The following KIF1B variants were observed in gnomAD, a reference collection of about 807,000 sequenced individuals.
KIF1B encodes the protein kinesin family member 1B.
KIF1B carries 76 observed loss-of-function variants against 241.9 expected under a neutral mutation model. That is an observed-to-expected ratio of 0.31 (90% CI 0.26 to 0.38). The LOEUF (loss-of-function observed/expected upper bound fraction) is 0.38, where lower values mean the gene tolerates loss of function less well. Ranked by LOEUF, KIF1B falls within the 10% of genes least tolerant of loss-of-function variation. KIF1B has a pLI of 1.00. For missense variants in KIF1B, 1,622 were observed against 2,271.4 expected (o/e 0.71, Z 5.81); for synonymous variants, 750 against 796.7 (o/e 0.94, Z 0.99).
rs772091383 is a variant in KIF1B, at chr1:10,267,533, C to T, written c.583C>T (p.Leu195Phe). The change falls in exon 6 of 49, where the codon CTC (leucine) becomes TTC (phenylalanine). Residue 195 changes from leucine (L) to phenylalanine (F), a missense_variant. This residue lies in a region of KIF1B where 156 missense variants were observed against 244.8 expected (regional missense o/e 0.64). Transcript: ENST00000676179. Reference protein sequence around the residue: ...AVTSYTDIADLMDAGNKARTV... With the variant: ...AVTSYTDIADFMDAGNKARTV... ...TACTTCCTACACAGACATTGCTGAC[C>T]TCATGGATGCTGGGAACAAAGCCAG... is the stretch of plus-strand genomic sequence containing the variant. 1.9e-6 allele frequency: 3 copies of T among 1,614,006 alleles called. No individual in the cohort carries two copies. Among genetic ancestry groups the T allele is most frequent in the Non-Finnish European group, 2.5e-6 (3 of 1,179,998 alleles).
chr1:10,297,858 A>T (rs1368985766), intron 22 of KIF1B, among the ~76,000 whole-genome samples: 1 of 152,202 alleles, frequency 6.6e-6, no homozygotes, highest in African/African-American at 2.4e-5. Flanking sequence ...CAGCCCGGAC[A>T]GGACAGAAGG....
chr1:10,226,487 AT>A (rs1302604569), intron 1 of KIF1B, among the ~76,000 whole-genome samples: 1 of 152,252 alleles, frequency 6.6e-6, no homozygotes, highest in Admixed American at 6.5e-5. Context: ...TGTTTGTAAC[AT>A]TCAACACTTT....
At chr1:10,300,845 A>T (rs575409064) in intron 22 of KIF1B, among the ~76,000 whole-genome samples, 1 of 152,356 alleles carries the variant, frequency 6.6e-6, no homozygotes, top group South Asian at 2.1e-4. Flanking sequence ...AAATTAATGT[A>T]GAGTCTGTGT....
In KIF1B at chr1:10,337,198, A is replaced by C; in HGVS notation, c.3254A>C (p.Asp1085Ala). 1 of 1,614,144 alleles carries C rather than the reference A, an allele frequency of 6.2e-7. No homozygotes were observed. The highest frequency in any genetic ancestry group is 1.1e-5 in the South Asian group (1 of 91,076). The stretch of plus-strand genomic sequence containing the variant: ...CCAGAAGAAATCAGTCGAATTAATG[A>C]CTTGGGTATGTAGACATAGTTTACT... ...TPPEEISRIN[D>A]LDLKSSTLLD... Residue 1085 changes from aspartate to alanine, a missense_variant, in exon 30 of 49, where the codon GAC (aspartate) becomes GCC (alanine). Asp to Ala is a moderately radical substitution (Grantham distance 126). Around this residue, in one of 7 missense-constraint regions of KIF1B, gnomAD observed 803 missense variants for 1,112.0 expected, o/e 0.72. Coordinates refer to ENST00000676179, the MANE Select transcript of KIF1B (RefSeq NM_001365951.3). This position sits in a 1 kb window ranked among gnomAD's most constrained non-coding sequence, Gnocchi z 4.0.
chr1:10,324,777 C>A lies in KIF1B; in HGVS notation c.2557C>A (p.Arg853=), dbSNP rs774056851. 45 of 1,613,624 alleles carry A rather than the reference C, an allele frequency of 2.8e-5. No homozygotes were observed. Among genetic ancestry groups the A allele is most frequent in the Non-Finnish European group, 3.7e-5 (44 of 1,179,980 alleles). Residue 853 remains arginine (R), a synonymous_variant, in exon 26 of 49, where the codon CGA becomes AGA. Coordinates refer to ENST00000676179, the MANE Select transcript of KIF1B (RefSeq NM_001365951.3). ...AAATAGGCAGAGGCTGGATTTGATGCGAGAGATGTATGATAGGGCAGGGGA... is the reference window on the plus strand; with the variant it reads ...AAATAGGCAGAGGCTGGATTTGATGAGAGAGATGTATGATAGGGCAGGGGA... The part of the protein sequence containing the change: ...EKLKQRLDLM[R]EMYDRAGEMA...
chr1:10,253,018 C>T (rs2102174996), intron 2 of KIF1B, among the ~76,000 whole-genome samples: 1 of 152,300 alleles, frequency 6.6e-6, no homozygotes, highest in East Asian at 1.9e-4. Flanking sequence ...AGCCACTGTG[C>T]CTGGCCAATA....
At chr1:10,253,289 T>G (rs1647572303) in intron 2 of KIF1B, among the ~76,000 whole-genome samples, 1 of 152,150 alleles carries the variant, frequency 6.6e-6, no homozygotes, top group Non-Finnish European at 1.5e-5. Context: ...TGATGGTTTA[T>G]CTATCTGTAA....
At chr1:10,306,060 T>C in intron 22 of KIF1B, 2 of 1,046,596 alleles carry the variant, frequency 1.9e-6, no homozygotes, top group Non-Finnish European at 2.3e-6. Context: ...GTGGGCACTA[T>C]GCTTTATTAG....
intron 14 of KIF1B, 48 bp from the exon 15 acceptor site, chr1:10,282,274 T>C (rs1649443898): frequency 6.9e-7 from 1 of 1,459,118 alleles, no homozygotes; most frequent in Admixed American, 1.8e-5. Flanking sequence ...CCTCTGCTTC[T>C]TTCCCTTTTC....
In KIF1B at chr1:10,361,010, A is replaced by C; in HGVS notation, c.4137A>C (p.Glu1379Asp). ...TGAACCGAGTGACACCCTATGGAGA[A>C]AAGATCTACATGACCTTGTCGGCCT... is the stretch of plus-strand genomic sequence containing the variant. ...LLLNRVTPYG[E>D]KIYMTLSAYL... Residue 1379 changes from glutamate (E) to aspartate (D), a missense_variant, in exon 39 of 49, where the codon GAA (glutamate) becomes GAC (aspartate). By Grantham distance (45) the Glu-to-Asp change is conservative (BLOSUM62 2). Transcript: ENST00000676179. 6.2e-7 allele frequency: 1 copy of C among 1,613,742 alleles called. No homozygotes were observed.
intron 22 of KIF1B, among the ~76,000 whole-genome samples, chr1:10,316,021 A>G (rs1328334122): frequency 7.0e-6 from 1 of 142,122 alleles, no homozygotes; most frequent in Non-Finnish European, 1.5e-5. Context: ...GTGCCACTGC[A>G]CTCCAGCCTG....
Position 10,360,913 on chromosome 1 carries a change from G to A in KIF1B, c.4056-16G>A, listed in dbSNP as rs918747455. On this transcript the variant is annotated splice_polypyrimidine_tract_variant and intron_variant, in intron 38 of 48. Coordinates refer to ENST00000676179, the MANE Select transcript of KIF1B (RefSeq NM_001365951.3). Reference sequence around the variant, plus strand: ...AGCTTCTTTTGGATGATTCCCTCTTGTCTTTCTGACCTTAGGACCTTCTAC... The same window carrying A: ...AGCTTCTTTTGGATGATTCCCTCTTATCTTTCTGACCTTAGGACCTTCTAC... 1.3e-6 allele frequency: 2 copies of A among 1,559,218 alleles called. No homozygotes were observed. The highest frequency in any genetic ancestry group is 1.4e-5 in the African/African-American group (1 of 73,628).
At chr1:10,223,710 T>G (rs1164025256) in intron 1 of KIF1B, among the ~76,000 whole-genome samples, 1 of 151,870 alleles carries the variant, frequency 6.6e-6, no homozygotes, top group Non-Finnish European at 1.5e-5. Flanking sequence ...CCACACCAGC[T>G]AATTTTTGTA....
chr1:10,285,109 A>G (rs1649624045), intron 15 of KIF1B, among the ~76,000 whole-genome samples: 1 of 152,218 alleles, frequency 6.6e-6, no homozygotes, highest in Non-Finnish European at 1.5e-5. Context: ...GTCAGTGACC[A>G]TGTTGCTTTG....
In KIF1B at chr1:10,314,128, C is replaced by T. The variant is rs755059766; in HGVS notation, c.2116-5915C>T. On this transcript the variant is annotated intron_variant, in intron 22 of 48. Transcript: ENST00000676179. ...GCTGGTCTCGAACTCCTAACTCACCCGCCTCGGCCTCCCAAAGTGCTGGGA... is the reference window on the plus strand; with the variant it reads ...GCTGGTCTCGAACTCCTAACTCACCTGCCTCGGCCTCCCAAAGTGCTGGGA... 6.6e-5 allele frequency among the ~76,000 whole-genome samples: 10 copies of T among 151,398 alleles called. 1 individual carries two copies. The highest frequency in any genetic ancestry group is 7.4e-5 in the African/African-American group (3 of 40,760).
rs146431296 is a variant in KIF1B at position 10,293,221 on chromosome 1, T to A, written c.1590+1099T>A. On this transcript the variant is annotated intron_variant, in intron 17 of 48. Coordinates refer to ENST00000676179, the MANE Select transcript of KIF1B (RefSeq NM_001365951.3). ...TGTTTATATTATGAAAGGTTAGTGG[T>A]TTTCACAGTTTTAATAGTTTTTCCT... Among the ~76,000 whole-genome samples the A allele has an allele frequency of 4.0e-3, 610 of 152,220 alleles. 3 individuals are homozygous for A. The highest frequency in any genetic ancestry group is 6.9e-3 in the Non-Finnish European group (471 of 68,012).
rs763122049 is a variant in KIF1B, at chr1:10,324,831, G to A, written c.2611G>A (p.Glu871Lys). ...EMASSAQDES[E>K]TTVTGSDPFY... ...GGCCTCCAGTGCCCAAGACGAAAGCGAAACCACTGTGACTGGCAGCGATCC... is the reference window on the plus strand; with the variant it reads ...GGCCTCCAGTGCCCAAGACGAAAGCAAAACCACTGTGACTGGCAGCGATCC... Residue 871 changes from glutamate to lysine, a missense_variant, in exon 26 of 49, where the codon GAA becomes AAA. Coordinates refer to ENST00000676179, the MANE Select transcript of KIF1B (RefSeq NM_001365951.3). 92 of 1,614,036 alleles carry A rather than the reference G, an allele frequency of 5.7e-5. No homozygotes were observed. Among genetic ancestry groups the A allele is most frequent in the Non-Finnish European group, 7.2e-5 (85 of 1,180,024 alleles).
At chr1:10,339,371 A>G (rs207460024) in intron 31 of KIF1B, among the ~76,000 whole-genome samples, 1 of 152,234 alleles carries the variant, frequency 6.6e-6, no homozygotes, top group Non-Finnish European at 1.5e-5. Context: ...CTCTTATGTA[A>G]CTATGCCATC....
At chr1:10,291,953 T>C (rs1341891376) in intron 16 of KIF1B, 94 bp from the exon 17 acceptor site, 5 of 1,033,868 alleles carry the variant, frequency 4.8e-6, no homozygotes, top group Non-Finnish European at 7.6e-6. Context: ...TGGCCAGTTG[T>C]TTTTGCTTTG....
Sources: allele counts gnomAD v4.1 joint callset (sites outside exome capture counted in the v4.1 genomes callset), GRCh38; gene constraint gnomAD v4.1.1; regional missense constraint gnomAD v4.1.1; non-coding constraint Gnocchi (gnomAD v3.1); transcripts MANE v1.5; gene names NCBI Gene and HGNC (gene_info 2026-07-23, HGNC 2026-07-21).